PID1: variants seen among roughly 807,000 people sequenced by gnomAD.
The protein encoded by PID1 is PTB-containing, cubilin and LRP1-interacting protein.
A neutral mutation model predicts 19.1 loss-of-function variants in PID1; 10 were observed. The ratio of observed to expected loss-of-function variants is 0.52; its 90% CI spans 0.32 to 0.89. The LOEUF (loss-of-function observed/expected upper bound fraction) is 0.89, where lower values mean the gene tolerates loss of function less well. Ranked by LOEUF, PID1 falls within the 40% of genes least tolerant of loss-of-function variation. The probability of loss-of-function intolerance (pLI) is 0.03; values close to 1 mark genes in which losing one functional copy is unlikely to be tolerated. For missense variants in PID1, 248 were observed against 285.3 expected, an observed-to-expected ratio of 0.87 and a Z score of 0.94; for synonymous variants, 130 against 116.0, an observed-to-expected ratio of 1.12 and a Z score of -0.78.
In PID1 at chr2:229,271,162, G is replaced by A. The variant is rs10186674; in HGVS notation, c.-119C>T. 57 of 1,191,186 alleles carry A rather than the reference G, an allele frequency of 4.8e-5. No homozygotes were observed. Among genetic ancestry groups the A allele is most frequent in the Non-Finnish European group, 6.3e-5 (54 of 852,822 alleles). 73.8% of individuals were successfully genotyped at this position (1,191,186 alleles called of 1,614,324 possible). A position where few individuals can be genotyped will look rare whatever the true frequency, so the allele number is the denominator to read the frequency against. ...CGGTGTCCGCGGGATGTGCGTCCTG[G>A]CGCTGGCCACCGCCGCCGGGTGGGC... On this transcript the variant is annotated 5_prime_UTR_variant, in exon 1 of 3. Coordinates refer to ENST00000392055, the MANE Select transcript of PID1 (RefSeq NM_001100818.2).
chr2:229,134,625 A>G (rs1474302514), intron 2 of PID1, among the ~76,000 whole-genome samples: 1 of 152,200 alleles, frequency 6.6e-6, no homozygotes, highest in Admixed American at 6.5e-5. Context: ...GAAAAATAAA[A>G]GCCACCAGGA....
intron 1 of PID1, among the ~76,000 whole-genome samples, chr2:229,200,125 C>T (rs1404774809): frequency 6.6e-6 from 1 of 151,886 alleles, no homozygotes; most frequent in Non-Finnish European, 1.5e-5. Flanking sequence ...AGTGATGACT[C>T]CGCTGCTGCA....
intron 2 of PID1, among the ~76,000 whole-genome samples, chr2:229,129,954 C>A (rs538773163): frequency 1.3e-5 from 2 of 152,218 alleles, no homozygotes; most frequent in South Asian, 4.2e-4. Flanking sequence ...CAAATTATAG[C>A]AAAGAAGCTA....
intron 1 of PID1, among the ~76,000 whole-genome samples, chr2:229,237,645 GT>G (rs1377732931): frequency 6.6e-6 from 1 of 152,146 alleles, no homozygotes; most frequent in Non-Finnish European, 1.5e-5. Context: ...CTAAATAGGT[GT>G]TTTGCTTAAA....
chr2:229,169,018 G>A (rs1034327045), intron 1 of PID1, among the ~76,000 whole-genome samples: 15 of 152,038 alleles, frequency 9.9e-5, no homozygotes, highest in Admixed American at 9.8e-4. Context: ...GTACTCCTGA[G>A]GCTAGGAGAA....
chr2:229,149,157 T>A (rs1690196410), intron 2 of PID1, among the ~76,000 whole-genome samples: 1 of 151,914 alleles, frequency 6.6e-6, no homozygotes, highest in South Asian at 2.1e-4. Flanking sequence ...TGGCATAGGA[T>A]TCAAGAAATG....
At chr2:229,231,884 A>G in intron 1 of PID1, 2 of 1,549,470 alleles carry the variant, frequency 1.3e-6, no homozygotes, top group Non-Finnish European at 1.7e-6. Context: ...AATACCACAG[A>G]GTAGATAATT....
intron 1 of PID1, among the ~76,000 whole-genome samples, chr2:229,234,897 C>T (rs1692291650): frequency 6.6e-6 from 1 of 152,128 alleles, no homozygotes; most frequent in Admixed American, 6.5e-5. Context: ...TATAAAAACT[C>T]CCTTCATAAA....
At chr2:229,095,033 T>C (rs1694947404) in intron 2 of PID1, among the ~76,000 whole-genome samples, 1 of 152,122 alleles carries the variant, frequency 6.6e-6, no homozygotes, top group African/African-American at 2.4e-5. Flanking sequence ...CAATAATGAT[T>C]TGAGTAATTA....
chr2:229,099,787 T>A (rs1040816263), intron 2 of PID1, among the ~76,000 whole-genome samples: 2 of 152,204 alleles, frequency 1.3e-5, no homozygotes, highest in African/African-American at 4.8e-5. Context: ...CCTCATTGAT[T>A]TCACTCACTT....
At chr2:229,090,106 T>C (rs189346923) in intron 2 of PID1, among the ~76,000 whole-genome samples, 3 of 152,274 alleles carry the variant, frequency 2.0e-5, no homozygotes, top group Non-Finnish European at 4.4e-5. Flanking sequence ...GATCCTTCAT[T>C]CATATCTCCC....
intron 2 of PID1, among the ~76,000 whole-genome samples, chr2:229,035,502 TTATATGTG>T: frequency 9.0e-6 from 1 of 110,948 alleles, no homozygotes; most frequent in Admixed American, 9.3e-5. Context: ...GGCCAATCAT[TTATATGTG>T]TGTGTGTGTG....
At chr2:229,192,539 T>C (rs1282335998) in intron 1 of PID1, among the ~76,000 whole-genome samples, 1 of 152,120 alleles carries the variant, frequency 6.6e-6, no homozygotes, top group South Asian at 2.1e-4. Context: ...AAATCCTAAT[T>C]CACAAGCAAT....
intron 2 of PID1, among the ~76,000 whole-genome samples, chr2:229,052,330 C>T (rs1289327574): frequency 1.3e-5 from 2 of 152,078 alleles, no homozygotes; most frequent in Non-Finnish European, 1.5e-5. Flanking sequence ...TGAATGTTTG[C>T]ACCAAATAAA....
intron 1 of PID1, among the ~76,000 whole-genome samples, chr2:229,215,162 C>T (rs556731914): frequency 4.6e-5 from 7 of 152,188 alleles, no homozygotes; most frequent in Non-Finnish European, 1.0e-4. Flanking sequence ...TTGCCTGATA[C>T]GATAGTTGGG....
chr2:229,247,524 T>C (rs768279415), intron 1 of PID1, among the ~76,000 whole-genome samples: 4 of 152,186 alleles, frequency 2.6e-5, no homozygotes, highest in Non-Finnish European at 4.4e-5. Flanking sequence ...ATCTCATAAC[T>C]AGTGCAAGCG....
intron 2 of PID1, among the ~76,000 whole-genome samples, chr2:229,085,755 G>C (rs1230561586): frequency 4.6e-5 from 7 of 151,960 alleles, no homozygotes; most frequent in African/African-American, 7.3e-5. Context: ...TGGTTCATCA[G>C]ACCACAAAAT....
At chr2:229,188,578 A>T (rs1691183712) in intron 1 of PID1, among the ~76,000 whole-genome samples, 1 of 152,032 alleles carries the variant, frequency 6.6e-6, no homozygotes, top group African/African-American at 2.4e-5. Context: ...TCTCTACTAA[A>T]AATACAAAAA....
chr2:229,082,179 T>C (rs1469214681), intron 2 of PID1, among the ~76,000 whole-genome samples: 1 of 152,190 alleles, frequency 6.6e-6, no homozygotes, highest in East Asian at 1.9e-4. Context: ...CAGAGCCTCC[T>C]TCAGACTCTG....
Sources: gnomAD v4.1 joint callset for allele counts (sites outside exome capture counted in the v4.1 genomes callset) on GRCh38, gnomAD v4.1.1 for gene constraint, MANE v1.5 for transcripts, NCBI Gene and HGNC (gene_info 2026-07-23, HGNC 2026-07-21) for gene names.